The following ZNF507 variants were observed in gnomAD, a reference collection of about 807,000 sequenced individuals.
ZNF507 encodes zinc finger protein 507.
ZNF507 carries 29 observed loss-of-function variants against 80.0 expected under a neutral mutation model. The ratio of observed to expected loss-of-function variants is 0.36; its 90% CI spans 0.27 to 0.49. The LOEUF (loss-of-function observed/expected upper bound fraction) is 0.49, where lower values mean the gene tolerates loss of function less well. Among genes scored for constraint, ZNF507 ranks in the 20% least tolerant of loss-of-function variants. The probability of loss-of-function intolerance (pLI) is 0.98; values close to 1 mark genes in which losing one functional copy is unlikely to be tolerated. For missense variants in ZNF507, 1,081 were observed against 1,152.2 expected (o/e 0.94, Z 0.90); for synonymous variants, 462 against 422.5 (o/e 1.09, Z -1.15).
chr19:32,350,332 C>T (rs904427104), intron 2 of ZNF507, among the ~76,000 whole-genome samples: 5 of 151,926 alleles, frequency 3.3e-5, no homozygotes, highest in Admixed American at 6.6e-5. Context: ...TTTATAGCTG[C>T]CATTACTGTA....
At chr19:32,361,816 CCTTCCTTTCCTTT>C (rs1363059401) in intron 5 of ZNF507, among the ~76,000 whole-genome samples, 43 of 140,618 alleles carry the variant, frequency 3.1e-4, no homozygotes, top group East Asian at 1.8e-3. Flanking sequence ...TCGTTTCCTT[CCTTCCTTTCCTTT>C]CTTCCTTTCC....
intron 1 of ZNF507, among the ~76,000 whole-genome samples, chr19:32,346,997 CA>C (rs1967105550): frequency 6.6e-6 from 1 of 152,228 alleles, no homozygotes; most frequent in Admixed American, 6.5e-5. Context: ...TGAGGTAAAA[CA>C]AAATACACAA....
intron 5 of ZNF507, among the ~76,000 whole-genome samples, chr19:32,371,847 G>C (rs960535770): frequency 4.6e-5 from 7 of 151,832 alleles, no homozygotes; most frequent in African/African-American, 1.7e-4. Flanking sequence ...CACCGTGTTA[G>C]CCAGGATGGT....
At chr19:32,357,948 T>C (rs73032026) in intron 4 of ZNF507, 1 of 152,324 alleles carries the variant, frequency 6.6e-6, no homozygotes, top group Non-Finnish European at 1.5e-5. Context: ...CCAAATGAGT[T>C]AACATTAAAA....
chr19:32,380,061 A>T (rs1482480615), intron 5 of ZNF507, among the ~76,000 whole-genome samples: 3 of 152,190 alleles, frequency 2.0e-5, no homozygotes, highest in African/African-American at 7.2e-5. Flanking sequence ...GAAAAATCTT[A>T]CCAGATTTAT....
chr19:32,361,787 CTTCCTTCCT>C (rs200023826), intron 5 of ZNF507, among the ~76,000 whole-genome samples: 1,547 of 145,746 alleles, frequency 0.011, 37 homozygotes, highest in African/African-American at 0.036. Flanking sequence ...TCCCTCCCTC[CTTCCTTCCT>C]TTCCTTCCTT....
rs1314273779 is a variant in ZNF507 at position 32,353,850 on chromosome 19, G to C, written c.1020G>C (p.Gln340His). The C allele has an allele frequency of 1.7e-5, 27 of 1,614,080 alleles. No homozygotes were observed. Among genetic ancestry groups the C allele is most frequent in the Middle Eastern group, 1.6e-4 (1 of 6,084 alleles). Residue 340 changes from glutamine (Q) to histidine (H), a missense_variant, in exon 3 of 7, where the codon CAG becomes CAC. Gln to His is a conservative substitution (Grantham distance 24, BLOSUM62 0). Around this residue, in one of 6 missense-constraint regions of ZNF507, gnomAD observed 614 missense variants for 583.9 expected, o/e 1.05. Transcript: ENST00000355898. ...TATCATCTTCATCTCCTTTAGAACA[G>C]AGTGCAGAAAGAGGAGTACACCTAA... ...EQLSSSSPLE[Q>H]SAERGVHLSQ... is the part of the protein sequence containing the mutation.
rs369944187 is a variant in ZNF507, at chr19:32,353,724, G to T, written c.894G>T (p.Ala298=). ...TGCTGGATTCTTCAGCAGCTGCTGCGCCTGGTGGGGTCGATGCAGTCGTCA... is the reference window on the plus strand; with the variant it reads ...TGCTGGATTCTTCAGCAGCTGCTGCTCCTGGTGGGGTCGATGCAGTCGTCA... ...LGLLDSSAAA[A]PGGVDAVVIA... is the part of the protein sequence containing the mutation. Residue 298 remains alanine (A), a synonymous_variant, in exon 3 of 7, where the codon GCG becomes GCT. Transcript: ENST00000355898. 6 of 1,614,170 alleles carry T rather than the reference G, an allele frequency of 3.7e-6. No individual in the cohort carries two copies. The highest frequency in any genetic ancestry group is 2.5e-6 in the Non-Finnish European group (3 of 1,180,044).
At chr19:32,376,547 G>A (rs1430970580) in intron 5 of ZNF507, among the ~76,000 whole-genome samples, 1 of 152,168 alleles carries the variant, frequency 6.6e-6, no homozygotes, top group African/African-American at 2.4e-5. Flanking sequence ...AGGCCCAGGG[G>A]GCAAGGCTGG....
intron 2 of ZNF507, among the ~76,000 whole-genome samples, chr19:32,351,482 G>A (rs1967165043): frequency 1.0e-5 from 1 of 98,898 alleles, no homozygotes; most frequent in South Asian, 3.6e-4. Flanking sequence ...GCGTGGGGGG[G>A]CGGGGCCTGT....
At chr19:32,358,486 G>A (rs2145322270) in intron 4 of ZNF507, 1 of 152,326 alleles carries the variant, frequency 6.6e-6, no homozygotes, top group African/African-American at 2.4e-5. Flanking sequence ...ACTGTGTTAG[G>A]TGCTGGGAGT....
At chr19:32,375,427 C>T (rs1967533330) in intron 5 of ZNF507, among the ~76,000 whole-genome samples, 1 of 152,168 alleles carries the variant, frequency 6.6e-6, no homozygotes, top group African/African-American at 2.4e-5. Flanking sequence ...AACGACATCA[C>T]CAGAAAGTCC....
In ZNF507 at chr19:32,353,445, A is replaced by G. The variant is rs576577690; in HGVS notation, c.615A>G (p.Thr205=). 3 of 1,614,274 alleles carry G rather than the reference A, an allele frequency of 1.9e-6. No homozygotes were observed. The East Asian group carries it at 6.7e-5, about 36-fold the overall frequency. ...CCAGCTCTTTGTGTCGGAAAACCACAGAAAGAAATGAAACCATTCCAGATA... is the reference window on the plus strand; with the variant it reads ...CCAGCTCTTTGTGTCGGAAAACCACGGAAAGAAATGAAACCATTCCAGATA... ...SPSSSLCRKT[T]ERNETIPDIP... The change falls in exon 3 of 7, where the codon ACA becomes ACG. Residue 205 remains threonine, a synonymous_variant. Transcript: ENST00000355898.
At chr19:32,357,031 A>C (rs559604328) in intron 4 of ZNF507, 2 of 256,420 alleles carry the variant, frequency 7.8e-6, no homozygotes, top group East Asian at 1.8e-4. Flanking sequence ...CAGAAAAGCT[A>C]CAACATGGAA....
rs1289364864 is a variant in ZNF507 at position 32,384,582 on chromosome 19, G to A, written c.*1499G>A. The A allele has an allele frequency of 6.6e-6, 1 of 152,156 alleles. No individual in the cohort carries two copies. The highest frequency in any genetic ancestry group is 1.5e-5 in the Non-Finnish European group (1 of 68,030). The allele number at this position is 152,156 out of a possible 1,614,324, so 9.4% of individuals were successfully genotyped here. Reference sequence around the variant, plus strand: ...GAACACTGTAAAGGTTTTCGAATGGGATACGCTGTAGGCACGTTTTAAGAA... The same window carrying A: ...GAACACTGTAAAGGTTTTCGAATGGAATACGCTGTAGGCACGTTTTAAGAA... On this transcript the variant is annotated 3_prime_UTR_variant, in exon 7 of 7. Transcript: ENST00000355898.
intron 3 of ZNF507, 85 bp downstream of exon 3, chr19:32,355,042 C>T: frequency 7.7e-7 from 1 of 1,301,032 alleles, no homozygotes; most frequent in South Asian, 1.6e-5. Flanking sequence ...CCAATCACCT[C>T]ATTTTATAGA....
At chr19:32,356,819 G>T in intron 4 of ZNF507, 86 bp downstream of exon 4, 1 of 989,300 alleles carries the variant, frequency 1.0e-6, no homozygotes, top group African/African-American at 1.6e-5. Context: ...TTATTTTCAG[G>T]GCAAAAGCCT....
In ZNF507 at chr19:32,345,692, A is replaced by T. The variant is rs531284268; in HGVS notation, c.-188A>T. ...GGGGAAAAGAGGGAAAAGAGCCGGG[A>T]GAGAGGTGGGCAAGGACGAGGGCGA... On this transcript the variant is annotated 5_prime_UTR_variant, in exon 1 of 7. Transcript: ENST00000355898. 6.5e-6 allele frequency: 1 copy of T among 152,790 alleles called. No homozygotes were observed. The highest frequency in any genetic ancestry group is 2.1e-4 in the South Asian group (1 of 4,846). 9.5% of individuals were successfully genotyped at this position (152,790 alleles called of 1,614,324 possible).
intron 5 of ZNF507, 83 bp downstream of exon 5, chr19:32,360,701 C>T (rs1014054700): frequency 5.8e-6 from 4 of 687,530 alleles, no homozygotes; most frequent in Non-Finnish European, 8.7e-6. Context: ...AAATGTATAG[C>T]ACTTACTGAA....
Sources: gnomAD v4.1 joint callset for allele counts (sites outside exome capture counted in the v4.1 genomes callset) on GRCh38, gnomAD v4.1.1 for gene constraint, gnomAD v4.1.1 regional missense constraint, MANE v1.5 for transcripts, NCBI Gene and HGNC (gene_info 2026-07-23, HGNC 2026-07-21) for gene names.